The following STK33 variants were observed in gnomAD, a reference collection of about 807,000 sequenced individuals.
The protein encoded by STK33 is serine/threonine kinase 33.
In STK33, 52 loss-of-function variants were observed where a neutral mutation model predicts 58.0. The observed-to-expected ratio is 0.90, with a 90% CI of 0.72 to 1.13. STK33 has a LOEUF of 1.13. Ranked by LOEUF, STK33 falls within the 50% of genes most tolerant of loss-of-function variation. The probability of loss-of-function intolerance (pLI) is 0.00; values close to 1 mark genes in which losing one functional copy is unlikely to be tolerated. For synonymous variants in STK33, 215 were observed against 200.1 expected, an observed-to-expected ratio of 1.07 and a Z score of -0.63; for missense variants, 630 against 604.2, an observed-to-expected ratio of 1.04 and a Z score of -0.45.
At chr11:8,549,000 A>C (rs1232659741) in intron 1 of STK33, among the ~76,000 whole-genome samples, 1 of 152,138 alleles carries the variant, frequency 6.6e-6, no homozygotes, top group Non-Finnish European at 1.5e-5. Flanking sequence ...TGGAAAGGAG[A>C]AAGCCAATTT....
the STK33 span, among the ~76,000 whole-genome samples, chr11:8,338,926 C>CGACT: frequency 2.0e-5 from 3 of 152,118 alleles, no homozygotes; most frequent in Non-Finnish European, 2.9e-5. Flanking sequence ...AATGACTGAC[C>CGACT]GACTGACTGA....
At chr11:8,449,909 G>A (rs1946055588) in intron 11 of STK33, among the ~76,000 whole-genome samples, 1 of 152,192 alleles carries the variant, frequency 6.6e-6, no homozygotes. Flanking sequence ...AACAACAGAT[G>A]CTGGAGAGGA....
chr11:8,585,388 C>T lies in STK33; in HGVS notation c.-466+8695G>A, dbSNP rs541923270. 9.3e-5 allele frequency among the ~76,000 whole-genome samples: 14 copies of T among 150,950 alleles called. No individual in the cohort carries two copies. In the South Asian group the frequency reaches 3.0e-3, roughly 32 times the overall value. ...TACAGGCGCCCACTACTACACCCGGCTAATTTTTGTATTTTTAGTAGAGAT... is the reference window on the plus strand; with the variant it reads ...TACAGGCGCCCACTACTACACCCGGTTAATTTTTGTATTTTTAGTAGAGAT... On this transcript the variant is annotated intron_variant, in intron 1 of 15. Coordinates refer to ENST00000687296, the MANE Select transcript of STK33 (RefSeq NM_001352389.2).
intron 1 of STK33, chr11:8,567,272 T>C (rs1444356099): frequency 1.3e-5 from 2 of 152,200 alleles, no homozygotes; most frequent in African/African-American, 4.8e-5. Context: ...TCTAGTTATG[T>C]AACGTTTATC....
intron 15 of STK33, among the ~76,000 whole-genome samples, chr11:8,411,463 T>C (rs1940229967): frequency 6.6e-6 from 1 of 152,160 alleles, no homozygotes. Context: ...GTGCTTTTGC[T>C]TTTGTTTTTG....
At chr11:8,536,041 T>C (rs1011078530) in intron 1 of STK33, among the ~76,000 whole-genome samples, 3 of 152,126 alleles carry the variant, frequency 2.0e-5, no homozygotes, top group African/African-American at 7.2e-5. Context: ...ATGTGGGGGC[T>C]AAAAATTTGA....
rs150910190 is a variant in STK33, at chr11:8,398,788, C to CA, written c.1345-6079dup. Among the ~76,000 whole-genome samples the CA allele has an allele frequency of 6.3e-3, 846 of 134,184 alleles. 7 individuals carry two copies. Among genetic ancestry groups the CA allele is most frequent in the Non-Finnish European group, 8.4e-3 (502 of 60,100 alleles). The allele number at this position is 134,184 out of a possible 152,430, so 88.0% of individuals were successfully genotyped here. On this transcript the variant is annotated intron_variant, in intron 15 of 15. Coordinates refer to ENST00000687296, the MANE Select transcript of STK33 (RefSeq NM_001352389.2). ...GAAGATCTACCAAGCAAATGGAAAACAAAAAAAAAAAAAGCAGGGGTTGCA... is the reference window on the plus strand; with the variant it reads ...GAAGATCTACCAAGCAAATGGAAAACAAAAAAAAAAAAAAGCAGGGGTTGCA...
At chr11:8,427,071 A>G (rs527267528) in intron 14 of STK33, among the ~76,000 whole-genome samples, 61 of 152,224 alleles carry the variant, frequency 4.0e-4, no homozygotes, top group African/African-American at 1.3e-3. Flanking sequence ...CAAGACATTT[A>G]AAGACTCTTG....
intron 1 of STK33, among the ~76,000 whole-genome samples, chr11:8,510,696 A>C (rs961633963): frequency 3.3e-5 from 5 of 152,084 alleles, no homozygotes; most frequent in African/African-American, 9.7e-5. Flanking sequence ...AGAGATGAGG[A>C]TCCATTTTCA....
intron 1 of STK33, among the ~76,000 whole-genome samples, chr11:8,528,626 A>G (rs2140065695): frequency 6.6e-6 from 1 of 152,388 alleles, no homozygotes; most frequent in South Asian, 2.1e-4. Context: ...GATAATATTT[A>G]TATTCCTTTA....
At chr11:8,523,776 G>C (rs1953765831) in intron 1 of STK33, among the ~76,000 whole-genome samples, 1 of 152,172 alleles carries the variant, frequency 6.6e-6, no homozygotes, top group Admixed American at 6.5e-5. Context: ...CGTCTGGGAA[G>C]TGAGGAGCCC....
At chr11:8,491,664 G>A (rs1190050812) in intron 1 of STK33, among the ~76,000 whole-genome samples, 1 of 152,154 alleles carries the variant, frequency 6.6e-6, no homozygotes, top group African/African-American at 2.4e-5. Context: ...AGATTGAATT[G>A]AAGGAAAACA....
intron 1 of STK33, among the ~76,000 whole-genome samples, chr11:8,538,301 G>A (rs759630988): frequency 3.3e-5 from 5 of 152,168 alleles, no homozygotes; most frequent in Non-Finnish European, 7.3e-5. Flanking sequence ...ACAACTCTAT[G>A]AAGTAGGCAC....
chr11:8,476,681 CCTTA>C lies in STK33; in HGVS notation c.-162+2_-162+5del, dbSNP rs1949309063. 6.6e-6 allele frequency: 1 copy of C among 152,158 alleles called. No individual in the cohort carries two copies. The highest frequency in any genetic ancestry group is 1.9e-4 in the East Asian group (1 of 5,184). The allele number at this position is 152,158 out of a possible 1,614,324, so 9.4% of individuals were successfully genotyped here. A position where few individuals can be genotyped will look rare whatever the true frequency, so the allele number is the denominator to read the frequency against. ...AACAACAAGCCCATGCCCTCTCCCC[CCTTA>C]CCTTGCTTTGTTTTTCTTCATGCCA... On this transcript the variant is annotated splice_donor_variant and splice_donor_5th_base_variant and intron_variant, in intron 4 of 15. Coordinates refer to ENST00000687296, the MANE Select transcript of STK33 (RefSeq NM_001352389.2). LOFTEE classifies it low-confidence loss of function (5UTR_SPLICE).
At chr11:8,511,075 T>C (rs1000120991) in intron 1 of STK33, among the ~76,000 whole-genome samples, 1 of 152,206 alleles carries the variant, frequency 6.6e-6, no homozygotes, top group African/African-American at 2.4e-5. Flanking sequence ...TAGATTGCTT[T>C]TGGCAGTATG....
At chr11:8,561,456 A>C (rs1215728140) in intron 1 of STK33, among the ~76,000 whole-genome samples, 1 of 151,784 alleles carries the variant, frequency 6.6e-6, no homozygotes, top group Non-Finnish European at 1.5e-5. Context: ...ATGCTTGGCG[A>C]TTCTTTTTTT....
intron 11 of STK33, among the ~76,000 whole-genome samples, 180 bp from the exon 12 acceptor site, chr11:8,440,933 C>T (rs540580835): frequency 6.6e-6 from 1 of 152,278 alleles, no homozygotes; most frequent in South Asian, 2.1e-4. Context: ...GTCACTGTAA[C>T]CTCACTCCTA....
the STK33 span, among the ~76,000 whole-genome samples, chr11:8,368,961 C>G: frequency 6.6e-6 from 1 of 152,180 alleles, no homozygotes; most frequent in South Asian, 2.1e-4. Flanking sequence ...GTTACCACCG[C>G]AGAAGCCATC....
intron 1 of STK33, among the ~76,000 whole-genome samples, chr11:8,484,844 T>C (rs1276916473): frequency 3.9e-5 from 6 of 152,156 alleles, no homozygotes; most frequent in African/African-American, 7.2e-5. Context: ...AGCACATCAA[T>C]TGGTGATTCT....
Sources: allele counts gnomAD v4.1 joint callset (sites outside exome capture counted in the v4.1 genomes callset), GRCh38; gene constraint gnomAD v4.1.1; transcripts MANE v1.5; gene names NCBI Gene and HGNC (gene_info 2026-07-23, HGNC 2026-07-21).